The following NDUFB11 variants were observed in gnomAD, a reference collection of about 807,000 sequenced individuals.
NDUFB11 encodes NADH:ubiquinone oxidoreductase subunit B11, also known as NADH dehydrogenase [ubiquinone] 1 beta subcomplex subunit 11, mitochondrial.
For synonymous variants in NDUFB11, 51 were observed against 57.4 expected (o/e 0.89, Z 0.51); for missense variants, 108 against 133.8 (o/e 0.81, Z 0.95).
upstream of NDUFB11, chrX:47,144,760 C>A: frequency 4.4e-6 from 4 of 910,957 alleles, no homozygotes; most frequent in Middle Eastern, 4.3e-4. Context: ...GCGCGACAAT[C>A]ATCGCCCCGC....
chrX:47,145,084 G>T (rs1412682738), upstream of NDUFB11: 6 of 328,024 alleles, frequency 1.8e-5, no homozygotes, highest in Non-Finnish European at 2.7e-5. Context: ...TTGGCTAATA[G>T]CTACTCCTTT....
chrX:47,144,903 A>C (rs1931981244), upstream of NDUFB11: 1 of 372,200 alleles, frequency 2.7e-6, no homozygotes, highest in Admixed American at 4.6e-5. Context: ...GAAATTTCTT[A>C]TTGATGGGTC....
chrX:47,143,998 A>G (rs1210321011), intron 1 of NDUFB11, among the ~76,000 whole-genome samples: 1 of 111,124 alleles, frequency 9.0e-6, no homozygotes, highest in African/African-American at 3.3e-5. Flanking sequence ...TCAAGTGTTT[A>G]GAACACAGAC....
At chrX:47,145,237 T>C (rs1415364619), upstream of NDUFB11, 6 of 462,568 alleles carry the variant, frequency 1.3e-5, no homozygotes, top group Non-Finnish European at 2.3e-5. Flanking sequence ...TGGATGGTGG[T>C]CGGAGCGCCG....
chrX:47,145,386 T>G, upstream of NDUFB11: 1 of 1,107,766 alleles, frequency 9.0e-7, no homozygotes, highest in Non-Finnish European at 1.2e-6. Context: ...GACTTGGTTG[T>G]TGCGCGCTCC....
At chrX:47,145,225 G>A (rs1345700114), upstream of NDUFB11, 1 of 454,115 alleles carries the variant, frequency 2.2e-6, no homozygotes, top group Non-Finnish European at 3.9e-6. Context: ...TTCCTTAGTA[G>A]GTGGATGGTG....
chrX:47,143,624 A>G (rs1289049996), intron 1 of NDUFB11, among the ~76,000 whole-genome samples: 1 of 112,091 alleles, frequency 8.9e-6, no homozygotes, highest in Admixed American at 9.5e-5. Flanking sequence ...TGTTCTGACC[A>G]TTTTTACTCA....
rs782745877 is a variant in NDUFB11, at chrX:47,142,389, C to T, written c.390G>A (p.Glu130=). 6 of 1,211,655 alleles carry T rather than the reference C, an allele frequency of 5.0e-6. No homozygotes were observed. Among genetic ancestry groups the T allele is most frequent in the Non-Finnish European group, 6.7e-6 (6 of 895,481 alleles). The change falls in exon 3 of 3, where the codon GAG becomes GAA. Residue 130 remains glutamate, a synonymous_variant. Transcript: ENST00000377811. ...REAERLVKYR[E]ANGLPIMESN... The stretch of plus-strand genomic sequence containing the variant: ...ATTCCATGATGGGAAGGCCATTGGC[C>T]TCTCGGTATTTCACAAGCCTCTCAG...
chrX:47,144,446 A>AGCCCCCCCCC, intron 1 of NDUFB11, 27 bp downstream of exon 1: 1 of 53,657 alleles, frequency 1.9e-5, no homozygotes, highest in Non-Finnish European at 3.3e-5. Flanking sequence ...CGTCCCCACT[A>AGCCCCCCCCC]CCCCCCCCCC....
At chrX:47,144,839 CTT>C, upstream of NDUFB11, 1 of 496,414 alleles carries the variant, frequency 2.0e-6, no homozygotes. Context: ...GAGCAACCCT[CTT>C]TGCCTCCAGT....
upstream of NDUFB11, chrX:47,144,946 C>T (rs890388649): frequency 9.1e-6 from 3 of 329,663 alleles, no homozygotes; most frequent in African/African-American, 7.8e-5. Context: ...AAATCGGTGA[C>T]ATTTGGGTGG....
intron 1 of NDUFB11, among the ~76,000 whole-genome samples, chrX:47,144,128 T>C (rs782309825): frequency 1.2e-5 from 1 of 86,427 alleles, no homozygotes; most frequent in African/African-American, 4.2e-5. Context: ...CTCGTCCCTA[T>C]AAAAAAAAAA....
chrX:47,144,864 G>A, upstream of NDUFB11: 1 of 412,851 alleles, frequency 2.4e-6, no homozygotes, highest in Non-Finnish European at 4.1e-6. Flanking sequence ...TCGTGGCTTC[G>A]TGGGGCCAAC....
chrX:47,144,438 T>TGCCCGCGGGGGGGGGGG, intron 1 of NDUFB11, 35 bp downstream of exon 1: 1 of 405,713 alleles, frequency 2.5e-6, no homozygotes, highest in Non-Finnish European at 3.2e-6. Flanking sequence ...CGGGGTTCCG[T>TGCCCGCGGGGGGGGGGG]CCCCACTACC....
At chrX:47,144,814 A>G (rs183970296), upstream of NDUFB11, 17,188 of 620,719 alleles carry the variant, frequency 0.028, 259 homozygotes, top group Non-Finnish European at 0.035. Flanking sequence ...TGGTTTTCCA[A>G]TGAGGCGGGG....
chrX:47,145,270 T>C, upstream of NDUFB11: 1 of 517,998 alleles, frequency 1.9e-6, no homozygotes, highest in South Asian at 2.7e-5. Context: ...TCGTCGCCAT[T>C]TTGAGCTGGT....
intron 1 of NDUFB11, among the ~76,000 whole-genome samples, chrX:47,143,931 T>C: frequency 9.0e-6 from 1 of 111,632 alleles, no homozygotes; most frequent in Non-Finnish European, 1.9e-5. Flanking sequence ...ATGAGTATAA[T>C]AATAGAGCCC....
upstream of NDUFB11, chrX:47,144,916 C>T (rs1203321974): frequency 5.6e-6 from 2 of 354,205 alleles, no homozygotes; most frequent in East Asian, 8.7e-5. Context: ...GATGGGTCTG[C>T]TCATTTCCTG....
intron 1 of NDUFB11, among the ~76,000 whole-genome samples, chrX:47,143,720 C>G (rs1931855690): frequency 8.9e-6 from 1 of 111,902 alleles, no homozygotes; most frequent in African/African-American, 3.2e-5. Context: ...GAAACTGAGG[C>G]ACCAAGGGTT....
Sources: allele counts gnomAD v4.1 joint callset (sites outside exome capture counted in the v4.1 genomes callset), GRCh38; gene constraint gnomAD v4.1.1; transcripts MANE v1.5; gene names NCBI Gene and HGNC (gene_info 2026-07-23, HGNC 2026-07-21).